GRK7: variants seen among roughly 807,000 people sequenced by gnomAD.
GRK7 encodes G protein-coupled receptor kinase 7, also known as rhodopsin kinase GRK7.
Under a neutral mutation model 34.1 loss-of-function variants are expected in GRK7, and 24 were observed. The observed-to-expected ratio is 0.70, with a 90% CI of 0.51 to 0.99. The LOEUF (loss-of-function observed/expected upper bound fraction) is 0.99. Among genes scored for constraint, GRK7 ranks in the 50% least tolerant of loss-of-function variants. The pLI, the probability that GRK7 is intolerant of heterozygous loss-of-function variation, is 0.00. For missense variants in GRK7, 644 were observed against 707.3 expected (o/e 0.91, Z 1.02); for synonymous variants, 256 against 279.4 (o/e 0.92, Z 0.84).
rs149728746 is a variant in GRK7 at position 141,780,615 on chromosome 3, C to T, written c.854C>T (p.Thr285Met). Residue 285 changes from threonine (T) to methionine (M), a missense_variant, in exon 4 of 6, where the codon ACG becomes ATG. Transcript: ENST00000682958. ...AAGTTCCACATCTACAACGTGGGCA[C>T]GCGTGGCCTGGACATGAGCCGGGTG... ...DLKFHIYNVGTRGLDMSRVIF... is the reference protein window; with the variant it reads ...DLKFHIYNVGMRGLDMSRVIF... 48 of 1,614,182 alleles carry T rather than the reference C, an allele frequency of 3.0e-5. No individual in the cohort carries two copies. In the East Asian group the frequency reaches 4.0e-4, roughly 13 times the overall value.
chr3:141,793,595 T>A (rs139301292), intron 4 of GRK7, among the ~76,000 whole-genome samples: 1 of 152,200 alleles, frequency 6.6e-6, no homozygotes, highest in African/African-American at 2.4e-5. Context: ...ATGACTCTTC[T>A]GAGTTGGCCC....
intron 4 of GRK7, among the ~76,000 whole-genome samples, chr3:141,805,996 T>A (rs75869085): frequency 0.018 from 2,793 of 152,296 alleles, 57 homozygotes; most frequent in East Asian, 0.091. Flanking sequence ...AAATGCATAG[T>A]TGTAATCAGT....
At chr3:141,798,391 C>G (rs1710916268) in intron 4 of GRK7, among the ~76,000 whole-genome samples, 1 of 152,128 alleles carries the variant, frequency 6.6e-6, no homozygotes. Context: ...CTGTGTGGGT[C>G]TGGAAAGGGC....
intron 4 of GRK7, among the ~76,000 whole-genome samples, chr3:141,785,704 T>C (rs1365860972): frequency 6.6e-6 from 1 of 151,020 alleles, no homozygotes; most frequent in Non-Finnish European, 1.5e-5. Context: ...GTGGAGGTTT[T>C]AGTGAGCCAA....
chr3:141,779,423 A>AAAAAAAAAAAAG (rs1553735436), intron 3 of GRK7, among the ~76,000 whole-genome samples: 2 of 150,532 alleles, frequency 1.3e-5, no homozygotes, highest in Non-Finnish European at 3.0e-5. Flanking sequence ...AAAAAAAAAA[A>AAAAAAAAAAAAG]AAAGAAAGAA....
At chr3:141,792,129 G>A (rs564260355) in intron 4 of GRK7, among the ~76,000 whole-genome samples, 34 of 151,626 alleles carry the variant, frequency 2.2e-4, no homozygotes, top group Admixed American at 7.2e-4. Context: ...CAGACTGGGC[G>A]TGGTGGCTCA....
At chr3:141,780,198 G>A (rs1361482082) in intron 3 of GRK7, among the ~76,000 whole-genome samples, 176 bp from the exon 4 acceptor site, 1 of 152,190 alleles carries the variant, frequency 6.6e-6, no homozygotes, top group East Asian at 1.9e-4. Flanking sequence ...CCTGCCTAGT[G>A]AGGTGAAGGA....
intron 1 of GRK7, among the ~76,000 whole-genome samples, chr3:141,772,477 A>G (rs2084621304): frequency 6.6e-6 from 1 of 152,228 alleles, no homozygotes; most frequent in African/African-American, 2.4e-5. Context: ...CTAAGACCAT[A>G]TAGCACTGCA....
intron 1 of GRK7, among the ~76,000 whole-genome samples, chr3:141,770,592 G>A (rs1406125794): frequency 4.0e-5 from 6 of 151,466 alleles, no homozygotes; most frequent in African/African-American, 1.5e-4. Context: ...CCTTTGCTGT[G>A]GAAGGATTCA....
At chr3:141,776,311 AAAT>A (rs2084638570) in intron 2 of GRK7, among the ~76,000 whole-genome samples, 1 of 151,780 alleles carries the variant, frequency 6.6e-6, no homozygotes, top group Admixed American at 6.6e-5. Context: ...AAAAAATAAA[AAAT>A]ATATATAAAT....
chr3:141,752,400 G>A, the GRK7 span, among the ~76,000 whole-genome samples: 4 of 152,096 alleles, frequency 2.6e-5, no homozygotes, highest in African/African-American at 9.7e-5. Context: ...GTGGGTAGAG[G>A]CCAGGGATGC....
chr3:141,793,287 G>A (rs1204903815), intron 4 of GRK7, among the ~76,000 whole-genome samples: 1 of 152,204 alleles, frequency 6.6e-6, no homozygotes, highest in Non-Finnish European at 1.5e-5. Context: ...AAGCCTAGAG[G>A]CAGCCTTGGG....
At chr3:141,769,394 C>G (rs2084605877) in intron 1 of GRK7, among the ~76,000 whole-genome samples, 1 of 152,214 alleles carries the variant, frequency 6.6e-6, no homozygotes. Context: ...GCAGTAACCT[C>G]TCATCTGGGC....
intron 5 of GRK7, among the ~76,000 whole-genome samples, chr3:141,816,247 G>T (rs958436093): frequency 1.3e-5 from 2 of 152,184 alleles, no homozygotes; most frequent in Non-Finnish European, 2.9e-5. Context: ...GGGGAGGTAA[G>T]TGGGGCTTGT....
At chr3:141,788,840 G>C (rs2084709299) in intron 4 of GRK7, among the ~76,000 whole-genome samples, 1 of 152,212 alleles carries the variant, frequency 6.6e-6, no homozygotes, top group African/African-American at 2.4e-5. Flanking sequence ...GAGGAAAGAA[G>C]TTTGCTGGTT....
intron 1 of GRK7, among the ~76,000 whole-genome samples, chr3:141,766,775 T>C (rs2107870636): frequency 6.6e-6 from 1 of 152,386 alleles, no homozygotes; most frequent in South Asian, 2.1e-4. Flanking sequence ...TTTGGTCTTC[T>C]CTAATAATCT....
At chr3:141,797,302 G>A (rs1710897300) in intron 4 of GRK7, among the ~76,000 whole-genome samples, 1 of 152,210 alleles carries the variant, frequency 6.6e-6, no homozygotes, top group Admixed American at 6.5e-5. Flanking sequence ...GCCTCCGCGC[G>A]ACACTGCGGC....
chr3:141,778,202 G>C lies in GRK7; in HGVS notation c.-83G>C, dbSNP rs186188558. The C allele has an allele frequency of 6.7e-7, 1 of 1,490,878 alleles. No individual in the cohort carries two copies. Among genetic ancestry groups the C allele is most frequent in the African/African-American group, 1.4e-5 (1 of 71,200 alleles). 92.4% of individuals were successfully genotyped at this position (1,490,878 alleles called of 1,614,324 possible). ...AGGACTCACTGTAAATCCCTTGGAC[G>C]TTGTCTCACCCGGGAAGGGAAAGCA... On this transcript the variant is annotated 5_prime_UTR_variant, in exon 3 of 6. Transcript: ENST00000682958. The surrounding 1 kb of genome is among the most constrained non-coding windows in gnomAD (Gnocchi z 4.1).
rs1421338221 is a variant in GRK7 at position 141,817,524 on chromosome 3, C to A, written c.*474C>A. The A allele has an allele frequency of 6.5e-6, 1 of 152,734 alleles. No individual in the cohort carries two copies. Among genetic ancestry groups the A allele is most frequent in the African/African-American group, 2.4e-5 (1 of 41,460 alleles). 9.5% of individuals were successfully genotyped at this position (152,734 alleles called of 1,614,324 possible). Reference sequence around the variant, plus strand: ...TGGAAACAAATGTTTCTGACATTCTCCCCCTAAAAAGGAGTGGATTACAAT... The same window carrying A: ...TGGAAACAAATGTTTCTGACATTCTACCCCTAAAAAGGAGTGGATTACAAT... On this transcript the variant is annotated 3_prime_UTR_variant, in exon 6 of 6. Transcript: ENST00000682958.
Sources: gnomAD v4.1 joint callset for allele counts (sites outside exome capture counted in the v4.1 genomes callset) on GRCh38, gnomAD v4.1.1 for gene constraint, Gnocchi (gnomAD v3.1) non-coding constraint, MANE v1.5 for transcripts, NCBI Gene and HGNC (gene_info 2026-07-23, HGNC 2026-07-21) for gene names.